The following GRIK3 variants were observed in gnomAD, a reference collection of about 807,000 sequenced individuals.
GRIK3 encodes the protein glutamate ionotropic receptor kainate type subunit 3.
GRIK3 carries 29 observed loss-of-function variants against 102.5 expected under a neutral mutation model. The observed-to-expected ratio is 0.28, with a 90% CI of 0.21 to 0.39. The LOEUF (loss-of-function observed/expected upper bound fraction) is 0.39, where lower values mean the gene tolerates loss of function less well. Among genes scored for constraint, GRIK3 ranks in the 10% least tolerant of loss-of-function variants. The pLI, the probability that GRIK3 is intolerant of heterozygous loss-of-function variation, is 1.00. For synonymous variants in GRIK3, 511 were observed against 504.9 expected, an observed-to-expected ratio of 1.01 and a Z score of -0.16; for missense variants, 908 against 1,252.4, an observed-to-expected ratio of 0.73 and a Z score of 4.15.
At position 36,837,781 on chromosome 1, in the gene GRIK3, G is replaced by C. The variant is rs143324372; in HGVS notation, c.1530+3955C>G. On this transcript the variant is annotated intron_variant, in intron 10 of 15. Transcript: ENST00000373091. ...GGTTCTGCCTCTGCACTCCCCAAGT[G>C]GGCTCCTGGGCACCTGGTGCCAGGA... 3.8e-3 allele frequency among the ~76,000 whole-genome samples: 574 copies of C among 152,322 alleles called. 3 individuals are homozygous for C. Among genetic ancestry groups the C allele is most frequent in the African/African-American group, 0.013 (536 of 41,574 alleles).
At chr1:36,964,947 C>T (rs753822451) in intron 1 of GRIK3, among the ~76,000 whole-genome samples, 20 of 152,212 alleles carry the variant, frequency 1.3e-4, no homozygotes, top group Admixed American at 1.1e-3. Context: ...GGTTTTGAAA[C>T]GCTGTTAATT....
chr1:36,972,927 C>G (rs1316320699), intron 1 of GRIK3, among the ~76,000 whole-genome samples: 1 of 152,096 alleles, frequency 6.6e-6, no homozygotes, highest in Non-Finnish European at 1.5e-5. Flanking sequence ...ACATGGGGGC[C>G]CAGGGTCTCC....
chr1:36,913,358 C>T (rs768763995), intron 1 of GRIK3, among the ~76,000 whole-genome samples: 6 of 152,094 alleles, frequency 3.9e-5, no homozygotes, highest in African/African-American at 9.7e-5. Flanking sequence ...TGGGCAGAGG[C>T]GAGGGTCAGG....
At chr1:36,873,249 CTGTTTTT>C (rs1405645892) in intron 3 of GRIK3, among the ~76,000 whole-genome samples, 5 of 152,302 alleles carry the variant, frequency 3.3e-5, no homozygotes, top group African/African-American at 7.2e-5. Flanking sequence ...GACTGACTTA[CTGTTTTT>C]TGTTTTTTGT....
chr1:36,949,880 T>G (rs1641826091), intron 1 of GRIK3, among the ~76,000 whole-genome samples: 1 of 152,130 alleles, frequency 6.6e-6, no homozygotes, highest in East Asian at 1.9e-4. Context: ...CGCCTGGCCC[T>G]AATTCTTTTA....
chr1:36,996,135 C>A (rs1642417014), intron 1 of GRIK3, among the ~76,000 whole-genome samples: 2 of 152,220 alleles, frequency 1.3e-5, no homozygotes, highest in Admixed American at 6.5e-5. Flanking sequence ...CTTCATGGAC[C>A]AGATCCAAAG....
intron 1 of GRIK3, among the ~76,000 whole-genome samples, chr1:37,014,360 G>T (rs1642629607): frequency 6.6e-6 from 1 of 152,234 alleles, no homozygotes; most frequent in Non-Finnish European, 1.5e-5. Context: ...GGAAAGAAAG[G>T]AGGAAGGGAG....
chr1:36,891,581 A>G (rs550546370), intron 1 of GRIK3, among the ~76,000 whole-genome samples: 12 of 152,360 alleles, frequency 7.9e-5, no homozygotes, highest in African/African-American at 2.9e-4. Context: ...AAGAATGCAT[A>G]ATAAAATAGC....
At position 36,798,052 on chromosome 1, in the gene GRIK3, G is replaced by C. The variant is rs1403742715; in HGVS notation, c.*3799C>G. ...TTACCCCTCAGACACTCAAAGTCCA[G>C]CACACTGGCCAAGGGGGCGTCACCC... On this transcript the variant is annotated 3_prime_UTR_variant, in exon 16 of 16. Coordinates refer to ENST00000373091, the MANE Select transcript of GRIK3 (RefSeq NM_000831.4). 2.0e-5 allele frequency: 3 copies of C among 152,268 alleles called. No homozygotes were observed. The highest frequency in any genetic ancestry group is 4.1e-4 in the South Asian group (2 of 4,836). 9.4% of individuals were successfully genotyped at this position (152,268 alleles called of 1,614,324 possible). A position where few individuals can be genotyped will look rare whatever the true frequency, so the allele number is the denominator to read the frequency against.
Position 36,905,062 on chromosome 1 carries a change from A to G in GRIK3, c.116-13966T>C, listed in dbSNP as rs79739261. 9.7e-4 allele frequency among the ~76,000 whole-genome samples: 148 copies of G among 152,288 alleles called. 1 individual carries two copies. The highest frequency in any genetic ancestry group is 3.5e-3 in the African/African-American group (147 of 41,570). On this transcript the variant is annotated intron_variant, in intron 1 of 15. Coordinates refer to ENST00000373091, the MANE Select transcript of GRIK3 (RefSeq NM_000831.4). ...GAGCTCATCAAGAGGCCAGCATACA[A>G]ATATAGAAAAACATATAGCCTCCCC...
At position 36,869,866 on chromosome 1, in the gene GRIK3, C is replaced by A. The variant is rs1461128865; in HGVS notation, c.733-65G>T. ...CTGGGCAGCCCTCCCCACATCCCCACCCAGGGCTGAGAATGGGACTGGCAG... is the reference window on the plus strand; with the variant it reads ...CTGGGCAGCCCTCCCCACATCCCCAACCAGGGCTGAGAATGGGACTGGCAG... On this transcript the variant is annotated intron_variant, in intron 4 of 15. Transcript: ENST00000373091. 8 of 1,195,216 alleles carry A rather than the reference C, an allele frequency of 6.7e-6. No homozygotes were observed. In the Admixed American group the frequency reaches 1.0e-4, roughly 15 times the overall value. The allele number at this position is 1,195,216 out of a possible 1,614,324, so 74.0% of individuals were successfully genotyped here.
chr1:36,961,760 A>G (rs1445506787), intron 1 of GRIK3, among the ~76,000 whole-genome samples: 1 of 152,254 alleles, frequency 6.6e-6, no homozygotes, highest in East Asian at 1.9e-4. Flanking sequence ...TCCTGCTTTC[A>G]TTCAAGTCAC....
chr1:36,836,558 C>T lies in GRIK3; in HGVS notation c.1530+5178G>A, dbSNP rs374068956. On this transcript the variant is annotated intron_variant, in intron 10 of 15. Coordinates refer to ENST00000373091, the MANE Select transcript of GRIK3 (RefSeq NM_000831.4). ...CACTCAGTGTTACTGGGAAGCAGAG[C>T]GGATGTGTGGGTGGTGCAACTTCTC... Among the ~76,000 whole-genome samples, 22 of 152,276 alleles carry T rather than the reference C, an allele frequency of 1.4e-4. 1 individual carries two copies. Among genetic ancestry groups the T allele is most frequent in the Middle Eastern group, 6.8e-3 (2 of 294 alleles).
At chr1:36,974,356 A>G (rs1642173898) in intron 1 of GRIK3, among the ~76,000 whole-genome samples, 1 of 152,232 alleles carries the variant, frequency 6.6e-6, no homozygotes, top group Non-Finnish European at 1.5e-5. Flanking sequence ...GGGTTAAAAT[A>G]TGTTAACATA....
chr1:37,005,597 C>A (rs1642522485), intron 1 of GRIK3, among the ~76,000 whole-genome samples: 1 of 152,142 alleles, frequency 6.6e-6, no homozygotes, highest in African/African-American at 2.4e-5. Flanking sequence ...AAGCACAGAA[C>A]GATGGTGCAC....
intron 13 of GRIK3, among the ~76,000 whole-genome samples, chr1:36,816,508 G>C (rs185135406): frequency 1.0e-3 from 155 of 152,328 alleles, no homozygotes; most frequent in African/African-American, 3.6e-3. Flanking sequence ...ATACCCATTA[G>C]AGCAGTCACT....
intron 1 of GRIK3, among the ~76,000 whole-genome samples, chr1:36,943,938 G>A (rs1406430281): frequency 1.3e-5 from 2 of 152,228 alleles, no homozygotes; most frequent in Non-Finnish European, 2.9e-5. Flanking sequence ...TACCTGCCAG[G>A]TATCTCCATA....
At chr1:36,854,956 C>T (rs930224504) in intron 7 of GRIK3, among the ~76,000 whole-genome samples, 1 of 152,182 alleles carries the variant, frequency 6.6e-6, no homozygotes, top group African/African-American at 2.4e-5. Context: ...GATCCCAGGA[C>T]CCCTCGGTCT....
At chr1:36,926,762 C>T (rs1641532173) in intron 1 of GRIK3, among the ~76,000 whole-genome samples, 1 of 152,140 alleles carries the variant, frequency 6.6e-6, no homozygotes, top group South Asian at 2.1e-4. Context: ...AGCACCAGGA[C>T]CAGAACCATC....
Sources: gnomAD v4.1 joint callset for allele counts (sites outside exome capture counted in the v4.1 genomes callset) on GRCh38, gnomAD v4.1.1 for gene constraint, MANE v1.5 for transcripts, NCBI Gene and HGNC (gene_info 2026-07-23, HGNC 2026-07-21) for gene names.